Variants in TTLL9 observed in about 807,000 individuals in gnomAD.
The protein encoded by TTLL9 is probable tubulin polyglutamylase TTLL9.
A neutral mutation model predicts 65.6 loss-of-function variants in TTLL9; 47 were observed. The ratio of observed to expected loss-of-function variants is 0.72; its 90% CI spans 0.57 to 0.91. The LOEUF is 0.91. Ranked by LOEUF, TTLL9 falls within the 40% of genes least tolerant of loss-of-function variation. The pLI is 0.00. For synonymous variants in TTLL9, 179 were observed against 204.8 expected, an observed-to-expected ratio of 0.87 and a Z score of 1.07; for missense variants, 537 against 568.8, an observed-to-expected ratio of 0.94 and a Z score of 0.57.
At chr20:31,933,683 G>A (rs1452605929) in intron 10 of TTLL9, 117 bp from the exon 11 acceptor site, 35 of 926,060 alleles carry the variant, frequency 3.8e-5, no homozygotes, top group Non-Finnish European at 5.0e-5. Flanking sequence ...TCACACACAC[G>A]ACCGTGGAGC....
At chr20:31,908,495 C>T in intron 4 of TTLL9, 96 bp from the exon 5 acceptor site, 1 of 784,568 alleles carries the variant, frequency 1.3e-6, no homozygotes, top group Non-Finnish European at 2.2e-6. Flanking sequence ...GTGCTGTGTA[C>T]CCTTCCTCAA....
At chr20:31,917,869 T>TA (rs1463391530) in intron 6 of TTLL9, among the ~76,000 whole-genome samples, 1 of 152,174 alleles carries the variant, frequency 6.6e-6, no homozygotes, top group East Asian at 1.9e-4. Context: ...CACACTCTCT[T>TA]ACAGACTAAG....
intron 6 of TTLL9, among the ~76,000 whole-genome samples, chr20:31,918,703 T>C (rs942375602): frequency 6.6e-6 from 1 of 152,224 alleles, no homozygotes; most frequent in African/African-American, 2.4e-5. Context: ...TTTACACTGG[T>C]AATCTTCTTT....
intron 4 of TTLL9, among the ~76,000 whole-genome samples, chr20:31,900,457 A>G (rs2063461986): frequency 6.6e-6 from 1 of 152,226 alleles, no homozygotes; most frequent in Non-Finnish European, 1.5e-5. Flanking sequence ...GATTGAAGCA[A>G]CAAATGAGCA....
chr20:31,905,385 C>T (rs2063539807), intron 4 of TTLL9, among the ~76,000 whole-genome samples: 1 of 152,128 alleles, frequency 6.6e-6, no homozygotes, highest in South Asian at 2.1e-4. Context: ...AGCACACGGC[C>T]ACTTCTCCAG....
chr20:31,896,129 T>C (rs749144000), intron 3 of TTLL9, among the ~76,000 whole-genome samples: 1 of 152,042 alleles, frequency 6.6e-6, no homozygotes, highest in Non-Finnish European at 1.5e-5. Context: ...CATGAGCCAC[T>C]GCGCCCGGCC....
chr20:31,886,018 C>T (rs1294687155), intron 2 of TTLL9, among the ~76,000 whole-genome samples: 4 of 152,202 alleles, frequency 2.6e-5, no homozygotes, highest in South Asian at 2.1e-4. Context: ...CAGGGACCTC[C>T]GTCCTACAAC....
At chr20:31,915,182 GA>G (rs1272461815) in intron 6 of TTLL9, among the ~76,000 whole-genome samples, 3 of 152,196 alleles carry the variant, frequency 2.0e-5, no homozygotes, top group African/African-American at 7.2e-5. Context: ...ATTCCTAATA[GA>G]AAGGAATGTG....
chr20:31,925,374 T>C (rs1384148836), intron 9 of TTLL9, among the ~76,000 whole-genome samples: 1 of 152,188 alleles, frequency 6.6e-6, no homozygotes, highest in African/African-American at 2.4e-5. Context: ...GGCCTCCTAA[T>C]AACCCAGGGA....
At chr20:31,906,355 C>T (rs555163992) in intron 4 of TTLL9, among the ~76,000 whole-genome samples, 1 of 152,358 alleles carries the variant, frequency 6.6e-6, no homozygotes, top group Admixed American at 6.5e-5. Context: ...CTGTGGGGAT[C>T]TCACTAGGGC....
At chr20:31,906,033 CAAAAAAAAAAAAA>C (rs892374670) in intron 4 of TTLL9, among the ~76,000 whole-genome samples, 1 of 47,722 alleles carries the variant, frequency 2.1e-5, no homozygotes, top group Non-Finnish European at 4.3e-5. Flanking sequence ...AATTTCATCT[CAAAAAAAAAAAAA>C]AAAAAAAAAG....
intron 2 of TTLL9, among the ~76,000 whole-genome samples, chr20:31,881,732 C>T (rs116657564): frequency 0.01 from 1,577 of 151,582 alleles, 23 homozygotes; most frequent in African/African-American, 0.036. Flanking sequence ...CAGCTTCCTG[C>T]ATATCACTTT....
At chr20:31,883,090 A>T (rs1311447955) in intron 2 of TTLL9, among the ~76,000 whole-genome samples, 10 of 151,886 alleles carry the variant, frequency 6.6e-5, no homozygotes, top group Non-Finnish European at 8.8e-5. Flanking sequence ...AGAGACCCCC[A>T]CCCTTAGTAA....
intron 7 of TTLL9, among the ~76,000 whole-genome samples, chr20:31,922,639 A>G (rs900539182): frequency 1.3e-5 from 2 of 152,216 alleles, no homozygotes; most frequent in Non-Finnish European, 2.9e-5. Flanking sequence ...CTTTTCATCA[A>G]GGTAAATGTA....
chr20:31,905,096 A>G (rs111321579), intron 4 of TTLL9, among the ~76,000 whole-genome samples: 1,765 of 151,798 alleles, frequency 0.012, 28 homozygotes, highest in African/African-American at 0.04. Flanking sequence ...TTTGAGATGG[A>G]GTCTCACTCC....
chr20:31,885,663 C>T (rs778952313), intron 2 of TTLL9, among the ~76,000 whole-genome samples: 5 of 152,296 alleles, frequency 3.3e-5, no homozygotes, highest in Non-Finnish European at 5.9e-5. Flanking sequence ...CACTCCTCTC[C>T]GCCGCTCTTT....
chr20:31,891,830 T>C (rs2063311102), intron 3 of TTLL9, among the ~76,000 whole-genome samples: 1 of 152,174 alleles, frequency 6.6e-6, no homozygotes, highest in African/African-American at 2.4e-5. Flanking sequence ...TGAGATGGAG[T>C]CTCACTCTGT....
intron 10 of TTLL9, among the ~76,000 whole-genome samples, chr20:31,927,500 A>G (rs1214080594): frequency 6.6e-6 from 1 of 151,592 alleles, no homozygotes; most frequent in South Asian, 2.1e-4. Context: ...AAAAAAAAAA[A>G]AAAAGAAACT....
At chr20:31,895,765 C>T (rs1019689222) in intron 3 of TTLL9, among the ~76,000 whole-genome samples, 1 of 151,692 alleles carries the variant, frequency 6.6e-6, no homozygotes, top group African/African-American at 2.4e-5. Flanking sequence ...TGCAGCCATG[C>T]CAACCCATTT....
Sources: gnomAD v4.1 joint callset for allele counts (sites outside exome capture counted in the v4.1 genomes callset) on GRCh38, gnomAD v4.1.1 for gene constraint, MANE v1.5 for transcripts, NCBI Gene and HGNC (gene_info 2026-07-23, HGNC 2026-07-21) for gene names.